The following KCNQ5 variants were observed in gnomAD, a reference collection of about 807,000 sequenced individuals.
The protein encoded by KCNQ5 is potassium voltage-gated channel subfamily KQT member 5.
A neutral mutation model predicts 98.2 loss-of-function variants in KCNQ5; 30 were observed. That is an observed-to-expected ratio of 0.31 (90% CI 0.23 to 0.41). The LOEUF (loss-of-function observed/expected upper bound fraction) is 0.41. Ranked by LOEUF, KCNQ5 falls within the 10% of genes least tolerant of loss-of-function variation. The pLI, the probability that KCNQ5 is intolerant of heterozygous loss-of-function variation, is 1.00. For missense variants in KCNQ5, 835 were observed against 1,182.5 expected, an observed-to-expected ratio of 0.71 and a Z score of 4.31; for synonymous variants, 458 against 449.4, an observed-to-expected ratio of 1.02 and a Z score of -0.24.
chr6:72,831,487 A>G (rs1209711209), intron 1 of KCNQ5, among the ~76,000 whole-genome samples: 1 of 151,794 alleles, frequency 6.6e-6, no homozygotes, highest in Non-Finnish European at 1.5e-5. Context: ...GGACAAAAAA[A>G]CAAACATCGC....
intron 1 of KCNQ5, among the ~76,000 whole-genome samples, chr6:72,786,496 T>G (rs2154478055): frequency 6.6e-6 from 1 of 152,276 alleles, no homozygotes; most frequent in Admixed American, 6.5e-5. Context: ...CTCACATCAT[T>G]TGGGAATGGG....
intron 2 of KCNQ5, among the ~76,000 whole-genome samples, chr6:73,035,978 A>G (rs1349585107): frequency 2.4e-5 from 3 of 124,934 alleles, no homozygotes; most frequent in South Asian, 5.3e-4. Context: ...GTTTTACTTG[A>G]ATACATTTGT....
chr6:72,901,581 C>G (rs902667251), intron 1 of KCNQ5, among the ~76,000 whole-genome samples: 33 of 152,106 alleles, frequency 2.2e-4, no homozygotes, highest in Non-Finnish European at 1.5e-5. Context: ...GCCAATTATC[C>G]CAGCACCATT....
intron 1 of KCNQ5, among the ~76,000 whole-genome samples, chr6:72,709,524 C>T (rs985989891): frequency 2.0e-5 from 3 of 152,156 alleles, no homozygotes; most frequent in African/African-American, 7.2e-5. Context: ...TGAGGGTATA[C>T]CCCTGCTAAG....
intron 10 of KCNQ5, among the ~76,000 whole-genome samples, chr6:73,164,405 A>G (rs1010428214): frequency 6.6e-6 from 1 of 152,202 alleles, no homozygotes; most frequent in Non-Finnish European, 1.5e-5. Flanking sequence ...TGTTTAATTT[A>G]TGGCTTAAAC....
At chr6:72,822,923 C>T (rs546278554) in intron 1 of KCNQ5, among the ~76,000 whole-genome samples, 2 of 152,316 alleles carry the variant, frequency 1.3e-5, no homozygotes, top group South Asian at 4.1e-4. Context: ...GACCCCATGT[C>T]ACTTAGATCC....
chr6:73,083,702 C>T (rs1265254145), intron 5 of KCNQ5, among the ~76,000 whole-genome samples: 1 of 152,122 alleles, frequency 6.6e-6, no homozygotes, highest in Non-Finnish European at 1.5e-5. Context: ...ACCAAGTAGC[C>T]ATCATAAAAG....
chr6:72,823,360 TA>T (rs1477113283), intron 1 of KCNQ5, among the ~76,000 whole-genome samples: 1 of 152,104 alleles, frequency 6.6e-6, no homozygotes, highest in Non-Finnish European at 1.5e-5. Flanking sequence ...TTACACTGAT[TA>T]TATGTATCAT....
At chr6:72,998,063 C>G (rs1769388829) in intron 1 of KCNQ5, among the ~76,000 whole-genome samples, 1 of 152,064 alleles carries the variant, frequency 6.6e-6, no homozygotes, top group Admixed American at 6.6e-5. Context: ...TTGCAAAGTA[C>G]CAAGTTTAGA....
At chr6:72,809,110 G>T (rs1490307144) in intron 1 of KCNQ5, among the ~76,000 whole-genome samples, 3 of 151,352 alleles carry the variant, frequency 2.0e-5, no homozygotes, top group Non-Finnish European at 4.4e-5. Flanking sequence ...GATGAAACTG[G>T]AAACCATCAT....
rs769183223 is a variant in KCNQ5, at chr6:73,195,257, C to CA, written c.2643dup (p.Glu882ArgfsTer6). 7.4e-6 allele frequency: 12 copies of CA among 1,614,184 alleles called. No homozygotes were observed. Among genetic ancestry groups the CA allele is most frequent in the Non-Finnish European group, 9.3e-6 (11 of 1,180,042 alleles). On this transcript the variant is annotated frameshift_variant, in exon 14 of 14. Transcript: ENST00000370398. LOFTEE classifies it high-confidence loss of function. ...GATGAAGAGGTGGGTCCCGAAGAGA[C>CA]AGAGACAGACACTTTTGATGCCGCA...
chr6:72,844,050 A>G (rs1776918457), intron 1 of KCNQ5, among the ~76,000 whole-genome samples: 1 of 152,172 alleles, frequency 6.6e-6, no homozygotes, highest in Non-Finnish European at 1.5e-5. Flanking sequence ...AGGAATACCT[A>G]ATGTAGATGA....
intron 1 of KCNQ5, among the ~76,000 whole-genome samples, chr6:72,632,087 T>A (rs1326790958): frequency 6.6e-6 from 1 of 152,096 alleles, no homozygotes; most frequent in Non-Finnish European, 1.5e-5. Flanking sequence ...CACTATATTT[T>A]ATTTCCTTTA....
intron 5 of KCNQ5, among the ~76,000 whole-genome samples, chr6:73,099,974 T>C (rs79118151): frequency 0.098 from 14,972 of 152,118 alleles, 2,351 homozygotes; most frequent in African/African-American, 0.34. Flanking sequence ...ATTCAGAAAA[T>C]TGAAATAATA....
chr6:73,192,772 A>G (rs1765639814), intron 13 of KCNQ5, 81 bp downstream of exon 13: 1 of 1,170,622 alleles, frequency 8.5e-7, no homozygotes, highest in African/African-American at 1.6e-5. Flanking sequence ...TATGTATTCC[A>G]GTGATTATTT....
In KCNQ5 at chr6:73,194,923, C is replaced by G; in HGVS notation, c.2308C>G (p.Pro770Ala). 1.2e-6 allele frequency: 2 copies of G among 1,614,186 alleles called. No homozygotes were observed. Among genetic ancestry groups the G allele is most frequent in the Non-Finnish European group, 1.7e-6 (2 of 1,180,044 alleles). The change falls in exon 14 of 14, where the codon CCT (proline) becomes GCT (alanine). Residue 770 changes from proline to alanine, a missense_variant. By Grantham distance (27) the Pro-to-Ala change is conservative (BLOSUM62 -1). This residue lies in a region of KCNQ5 where 416 missense variants were observed against 446.9 expected (regional missense o/e 0.93). Coordinates refer to ENST00000370398, the MANE Select transcript of KCNQ5 (RefSeq NM_019842.4). ...LPRPETLHPN[P>A]AGLQESISDV... ...CAGGCCAGAAACTCTGCACCCTAAC[C>G]CTGCAGGCTTACAGGAAAGCATTTC...
chr6:73,140,656 C>T (rs925107601), intron 10 of KCNQ5, among the ~76,000 whole-genome samples: 4 of 152,174 alleles, frequency 2.6e-5, no homozygotes, highest in African/African-American at 9.7e-5. Context: ...ATGACTGGAT[C>T]TAAACTCTAG....
At chr6:72,720,999 G>A (rs1180304920) in intron 1 of KCNQ5, among the ~76,000 whole-genome samples, 1 of 152,150 alleles carries the variant, frequency 6.6e-6, no homozygotes, top group African/African-American at 2.4e-5. Flanking sequence ...AGTCAAAAAT[G>A]TATGAATTTA....
intron 10 of KCNQ5, among the ~76,000 whole-genome samples, chr6:73,139,282 C>G (rs773454191): frequency 6.6e-6 from 1 of 152,142 alleles, no homozygotes; most frequent in Non-Finnish European, 1.5e-5. Flanking sequence ...AGGATGGGAC[C>G]GCCATCATTG....
Sources: gnomAD v4.1 joint callset for allele counts (sites outside exome capture counted in the v4.1 genomes callset) on GRCh38, gnomAD v4.1.1 for gene constraint, gnomAD v4.1.1 regional missense constraint, MANE v1.5 for transcripts, NCBI Gene and HGNC (gene_info 2026-07-23, HGNC 2026-07-21) for gene names.